Variants in FABP6 observed in about 807,000 individuals in gnomAD.
FABP6 encodes the protein gastrotropin.
A neutral mutation model predicts 14.9 loss-of-function variants in FABP6; 13 were observed. The ratio of observed to expected loss-of-function variants is 0.87; its 90% confidence interval spans 0.57 to 1.39. The LOEUF is 1.39. FABP6 is among the 40% of genes most tolerant of loss of function. The pLI is 0.00. For synonymous variants in FABP6, 75 were observed against 63.6 expected (o/e 1.18, Z -0.85); for missense variants, 161 against 167.2 (o/e 0.96, Z 0.20).
chr5:160,194,167 G>C (rs7702417), intron 1 of FABP6, among the ~76,000 whole-genome samples: 85,298 of 152,180 alleles, frequency 0.56, 24,066 homozygotes, highest in Non-Finnish European at 0.59. Flanking sequence ...CCCGGGGCCA[G>C]CAGGGCCGGC....
In FABP6 at chr5:160,232,176, C is replaced by T; in HGVS notation, c.146C>T (p.Thr49Ile). 1 of 1,613,914 alleles carries T rather than the reference C, an allele frequency of 6.2e-7. No homozygotes were observed. The highest frequency in any genetic ancestry group is 8.5e-7 in the Non-Finnish European group (1 of 1,179,946). Residue 49 changes from threonine (T) to isoleucine (I), a missense_variant, in exon 2 of 4, where the codon ACT becomes ATT. Physicochemically the swap from Thr to Ile is moderately conservative, Grantham distance 89. Coordinates refer to ENST00000402432, the MANE Select transcript of FABP6 (RefSeq NM_001445.3). Reference sequence around the variant, plus strand: ...GTGCAGCAGGATGGGCAGGACTTCACTTGGTCCCAGCACTACTCCGGGGGC... The same window carrying T: ...GTGCAGCAGGATGGGCAGGACTTCATTTGGTCCCAGCACTACTCCGGGGGC... ...TEVQQDGQDF[T>I]WSQHYSGGHT...
intron 3 of FABP6, among the ~76,000 whole-genome samples, chr5:160,237,501 C>G (rs1341829145): frequency 6.6e-6 from 1 of 152,118 alleles, no homozygotes; most frequent in Non-Finnish European, 1.5e-5. Flanking sequence ...CACCTCCCCA[C>G]TTCTCCACCA....
At chr5:160,194,287 C>T (rs372020180) in intron 1 of FABP6, among the ~76,000 whole-genome samples, 3 of 152,348 alleles carry the variant, frequency 2.0e-5, no homozygotes, top group African/African-American at 7.2e-5. Flanking sequence ...TCGCGCCTCT[C>T]CCTCCACACC....
intron 2 of FABP6, among the ~76,000 whole-genome samples, chr5:160,201,245 C>A (rs1040943964): frequency 3.9e-5 from 6 of 152,010 alleles, no homozygotes; most frequent in African/African-American, 1.5e-4. Flanking sequence ...GTAGTCCCAG[C>A]TACTTGGGAG....
chr5:160,235,010 A>G, intron 3 of FABP6, 101 bp downstream of exon 3: 1 of 915,600 alleles, frequency 1.1e-6, no homozygotes, highest in South Asian at 1.6e-5. Context: ...CTTTACCAGC[A>G]CTTCCCTTGT....
At chr5:160,221,768 T>A (rs1760133582) in intron 3 of FABP6, among the ~76,000 whole-genome samples, 1 of 152,240 alleles carries the variant, frequency 6.6e-6, no homozygotes, top group South Asian at 2.1e-4. Flanking sequence ...TATATCTATG[T>A]ATATAGCTAT....
Position 160,204,787 on chromosome 5 carries a change from G to A in FABP6, c.51+5630G>A, listed in dbSNP as rs56211308. Reference sequence around the variant, plus strand: ...ATTACAGGTGTAAGTCACTGCGCACGGCCGCATCCTATTTTCTTTACTGGG... The same window carrying A: ...ATTACAGGTGTAAGTCACTGCGCACAGCCGCATCCTATTTTCTTTACTGGG... On this transcript the variant is annotated intron_variant, in intron 2 of 6. Transcript: ENST00000393980. 1.8e-3 allele frequency: 280 copies of A among 152,386 alleles called. 2 individuals carry two copies. Among genetic ancestry groups the A allele is most frequent in the Non-Finnish European group, 3.8e-3 (256 of 68,140 alleles). The allele number at this position is 152,386 out of a possible 1,614,324, so 9.4% of individuals were successfully genotyped here.
intron 3 of FABP6, among the ~76,000 whole-genome samples, chr5:160,214,316 A>C (rs1367636749): frequency 6.6e-6 from 1 of 151,620 alleles, no homozygotes; most frequent in East Asian, 2.0e-4. Context: ...GGCACGTGCC[A>C]CCATGCCTGG....
chr5:160,188,047 C>T (rs1235176056), intron 1 of FABP6, among the ~76,000 whole-genome samples: 3 of 100,376 alleles, frequency 3.0e-5, no homozygotes, highest in Non-Finnish European at 6.0e-5. Flanking sequence ...CCACTGAGAC[C>T]CCGGCCTGCT....
At chr5:160,190,393 C>T (rs1179884029) in intron 1 of FABP6, among the ~76,000 whole-genome samples, 1 of 152,074 alleles carries the variant, frequency 6.6e-6, no homozygotes, top group Non-Finnish European at 1.5e-5. Context: ...CCACCACGTC[C>T]AGCTAAGTTT....
chr5:160,197,958 G>GTGTGTGTGTGTGTA (rs1759549133), intron 1 of FABP6: 3 of 140,804 alleles, frequency 2.1e-5, no homozygotes, highest in African/African-American at 7.8e-5. Flanking sequence ...GTGTGTATGT[G>GTGTGTGTGTGTGTA]TGTGTGTGTG....
intron 2 of FABP6, among the ~76,000 whole-genome samples, chr5:160,202,198 G>A (rs1212464275): frequency 6.6e-6 from 1 of 152,150 alleles, no homozygotes; most frequent in African/African-American, 2.4e-5. Flanking sequence ...CCTCAGTATT[G>A]TCATTATCAT....
Position 160,199,279 on chromosome 5 carries a change from C to G in FABP6, c.51+122C>G. 2 of 941,756 alleles carry G rather than the reference C, an allele frequency of 2.1e-6. 1 individual carries two copies. Among genetic ancestry groups the G allele is most frequent in the South Asian group, 2.8e-5 (2 of 72,572 alleles). The allele number at this position is 941,756 out of a possible 1,614,324, so 58.3% of individuals were successfully genotyped here. ...CTTTCTCTGTGATGCTAATAACAGA[C>G]TTGTCATGGCTCCAAAGCCCTTTTC... On this transcript the variant is annotated intron_variant, in intron 2 of 6. Transcript: ENST00000393980.
chr5:160,200,180 C>T (rs1049221575), intron 2 of FABP6, among the ~76,000 whole-genome samples: 1 of 152,212 alleles, frequency 6.6e-6, no homozygotes, highest in African/African-American at 2.4e-5. Flanking sequence ...AAGTGGCAGC[C>T]TCTTAGGATT....
intron 3 of FABP6, among the ~76,000 whole-genome samples, chr5:160,223,801 C>T (rs1043163312): frequency 1.3e-5 from 2 of 151,634 alleles, no homozygotes; most frequent in African/African-American, 2.4e-5. Flanking sequence ...GACACAATAT[C>T]GAAATTAGGC....
intron 3 of FABP6, among the ~76,000 whole-genome samples, chr5:160,223,709 G>C (rs1760183747): frequency 6.6e-6 from 1 of 151,612 alleles, no homozygotes; most frequent in South Asian, 2.1e-4. Flanking sequence ...TTACAGGCGT[G>C]AGCTGCTGTG....
Position 160,232,192 on chromosome 5 carries a change from C to T in FABP6, c.162C>T (p.Tyr54=), listed in dbSNP as rs369701297. The T allele has an allele frequency of 3.7e-6, 6 of 1,613,706 alleles. No homozygotes were observed. The African/African-American group carries it at 8.0e-5, about 22-fold the overall frequency. ...AGGACTTCACTTGGTCCCAGCACTA[C>T]TCCGGGGGCCACACCATGACCAACA... ...DGQDFTWSQH[Y]SGGHTMTNKF... is the part of the protein sequence containing the mutation. Residue 54 remains tyrosine (Y), a synonymous_variant, in exon 2 of 4, where the codon TAC becomes TAT. Transcript: ENST00000402432.
chr5:160,192,057 T>A (rs985658388), intron 1 of FABP6, among the ~76,000 whole-genome samples: 5 of 151,670 alleles, frequency 3.3e-5, no homozygotes, highest in Non-Finnish European at 7.4e-5. Context: ...TTTCTATTTC[T>A]CTAACTTGCC....
upstream of FABP6, among the ~76,000 whole-genome samples, chr5:160,225,093 G>GTT (rs61110860): frequency 6.8e-6 from 1 of 146,208 alleles, no homozygotes; most frequent in Non-Finnish European, 1.5e-5. Flanking sequence ...CCTGATAGCA[G>GTT]TTTTTTTTTT....
Sources: gnomAD v4.1 joint callset for allele counts (sites outside exome capture counted in the v4.1 genomes callset) on GRCh38, gnomAD v4.1.1 for gene constraint, MANE v1.5 for transcripts, NCBI Gene and HGNC (gene_info 2026-07-23, HGNC 2026-07-21) for gene names.